Variants in SRI observed in about 807,000 individuals in gnomAD.
SRI encodes the protein 22 kDa protein.
In SRI, 30 loss-of-function variants were observed where a neutral mutation model predicts 33.3. The observed-to-expected ratio is 0.90, with a 90% confidence interval of 0.67 to 1.22. The LOEUF is 1.22. Among genes scored for constraint, SRI ranks in the 50% most tolerant of loss-of-function variants. SRI has a pLI of 0.00. For missense variants in SRI, 243 were observed against 250.8 expected (o/e 0.97, Z 0.21); for synonymous variants, 75 against 89.9 (o/e 0.83, Z 0.94).
At chr7:88,216,877 C>T (rs1044465568) in intron 3 of SRI, 9 of 534,220 alleles carry the variant, frequency 1.7e-5, no homozygotes, top group African/African-American at 5.7e-5. Flanking sequence ...TGGCTTCAAG[C>T]GATCCTCCTG....
chr7:88,226,358 C>G (rs780220890), intron 1 of SRI, among the ~76,000 whole-genome samples: 9 of 152,224 alleles, frequency 5.9e-5, no homozygotes, highest in Non-Finnish European at 1.0e-4. Context: ...TTGCCCATCC[C>G]CATTCGCATC....
At position 88,208,489 on chromosome 7, in the gene SRI, T is replaced by C; in HGVS notation, c.570+18A>G. 1.2e-6 allele frequency: 2 copies of C among 1,613,586 alleles called. No homozygotes were observed. Among genetic ancestry groups the C allele is most frequent in the Non-Finnish European group, 1.7e-6 (2 of 1,179,792 alleles). ...ACATCCTTTTCATCTACTGTATCTC[T>C]TAATTTCTAAGACTTACATCATCAT... On this transcript the variant is annotated intron_variant, in intron 7 of 7. Coordinates refer to ENST00000265729, the MANE Select transcript of SRI (RefSeq NM_003130.4).
intron 1 of SRI, among the ~76,000 whole-genome samples, chr7:88,226,520 A>C (rs1259051770): frequency 6.6e-6 from 1 of 152,142 alleles, no homozygotes; most frequent in Non-Finnish European, 1.5e-5. Context: ...GGGAAGAAAA[A>C]TTCCCAATTA....
intron 4 of SRI, chr7:88,210,482 TA>T: frequency 2.5e-6 from 1 of 394,588 alleles, no homozygotes; most frequent in Non-Finnish European, 4.7e-6. Context: ...TCTCTGGTAC[TA>T]ATATTCCCTT....
intron 1 of SRI, 104 bp downstream of exon 1, chr7:88,219,872 T>TA: frequency 7.2e-7 from 1 of 1,389,816 alleles, no homozygotes; most frequent in Non-Finnish European, 9.7e-7. Context: ...GGAGCCCGGG[T>TA]AGCCGCCCAG....
At chr7:88,220,212 C>G (rs1340088339), upstream of SRI, 9 of 1,311,802 alleles carry the variant, frequency 6.9e-6, no homozygotes, top group Middle Eastern at 5.7e-4. Context: ...CGCGCTTCTT[C>G]GTATCTTTGC....
At chr7:88,219,543 TGTTTG>T (rs773765260) in intron 1 of SRI, 5 of 137,356 alleles carry the variant, frequency 3.6e-5, no homozygotes, top group Middle Eastern at 3.0e-3. Context: ...ACTCGTTTTT[TGTTTG>T]TTTGTTTGTT....
intron 1 of SRI, among the ~76,000 whole-genome samples, chr7:88,225,345 C>T (rs1400634679): frequency 6.6e-6 from 1 of 152,134 alleles, no homozygotes; most frequent in Admixed American, 6.5e-5. Flanking sequence ...CAAACACACA[C>T]ACACTTTATA....
chr7:88,217,678 T>C (rs1563476283), intron 2 of SRI, among the ~76,000 whole-genome samples: 2 of 152,190 alleles, frequency 1.3e-5, no homozygotes, highest in Non-Finnish European at 2.9e-5. Context: ...ACTAGATATA[T>C]GTGATTTTTA....
At chr7:88,222,901 A>T (rs558875115), upstream of SRI, among the ~76,000 whole-genome samples, 1 of 152,018 alleles carries the variant, frequency 6.6e-6, no homozygotes, top group Admixed American at 6.6e-5. Context: ...AAAACCCTAG[A>T]AGAAAACCTA....
intron 3 of SRI, among the ~76,000 whole-genome samples, chr7:88,212,051 G>A (rs1383010051): frequency 2.6e-5 from 4 of 152,252 alleles, no homozygotes; most frequent in Non-Finnish European, 5.9e-5. Context: ...GGTCACGTGG[G>A]AAAAGCTGGT....
At chr7:88,225,147 TC>T (rs1851968573) in intron 1 of SRI, among the ~76,000 whole-genome samples, 1 of 152,146 alleles carries the variant, frequency 6.6e-6, no homozygotes, top group African/African-American at 2.4e-5. Context: ...ATGTTCCTGT[TC>T]CTACAGAATA....
Position 88,219,911 on chromosome 7 carries a change from C to A in SRI, c.51+65G>T, listed in dbSNP as rs970593161. Reference sequence around the variant, plus strand: ...CGCCTCACCCCGCTGGCCGCAGCATCTCCAAGGTGGCCTCTTAGCGCCCCG... The same window carrying A: ...CGCCTCACCCCGCTGGCCGCAGCATATCCAAGGTGGCCTCTTAGCGCCCCG... On this transcript the variant is annotated intron_variant, in intron 1 of 7. Transcript: ENST00000265729. The A allele has an allele frequency of 2.0e-5, 31 of 1,523,388 alleles. No individual in the cohort carries two copies. The African/African-American group carries it at 3.0e-4, about 15-fold the overall frequency. 94.4% of individuals were successfully genotyped at this position (1,523,388 alleles called of 1,614,324 possible).
Position 88,217,121 on chromosome 7 carries a change from C to A in SRI, c.205+1G>T. 6.2e-7 allele frequency: 1 copy of A among 1,613,442 alleles called. No individual in the cohort carries two copies. The highest frequency in any genetic ancestry group is 8.5e-7 in the Non-Finnish European group (1 of 1,179,762). On this transcript the variant is annotated splice_donor_variant, in intron 3 of 7. Coordinates refer to ENST00000265729, the MANE Select transcript of SRI (RefSeq NM_003130.4). LOFTEE classifies it high-confidence loss of function. ...GACAAACTTTGGGACTGTCAACTTACGTTTGTATCCTCCAGCAATGCCAGA... is the reference window on the plus strand; with the variant it reads ...GACAAACTTTGGGACTGTCAACTTAAGTTTGTATCCTCCAGCAATGCCAGA...
At chr7:88,211,012 GATT>G in intron 3 of SRI, 87 bp from the exon 4 acceptor site, 1 of 1,042,758 alleles carries the variant, frequency 9.6e-7, no homozygotes, top group Non-Finnish European at 1.5e-6. Flanking sequence ...TTAGAAATAT[GATT>G]ATTATACACT....
chr7:88,206,298 C>T lies in SRI; in HGVS notation c.*180G>A. On this transcript the variant is annotated 3_prime_UTR_variant, in exon 8 of 8. Transcript: ENST00000265729. ...AACAGACTAGATCTTATTAAAGTTC[C>T]AAAGAATTTATTATCAAAACTAAAA... 3 of 721,162 alleles carry T rather than the reference C, an allele frequency of 4.2e-6. No homozygotes were observed. The allele number at this position is 721,162 out of a possible 1,614,324, so 44.7% of individuals were successfully genotyped here. A position where few individuals can be genotyped will look rare whatever the true frequency, so the allele number is the denominator to read the frequency against.
chr7:88,209,681 C>G (rs1262691517), intron 5 of SRI, among the ~76,000 whole-genome samples: 1 of 151,284 alleles, frequency 6.6e-6, no homozygotes, highest in Non-Finnish European at 1.5e-5. Flanking sequence ...GTGGTGTGAT[C>G]TCGGCTCACA....
intron 1 of SRI, among the ~76,000 whole-genome samples, chr7:88,225,303 T>C (rs553930194): frequency 7.2e-5 from 11 of 152,358 alleles, no homozygotes; most frequent in African/African-American, 2.4e-4. Context: ...TGTATATCAT[T>C]GTACATATGT....
chr7:88,205,913 TA>T lies in SRI; in HGVS notation c.*564del. The T allele has an allele frequency of 6.5e-6, 1 of 154,382 alleles. No individual in the cohort carries two copies. The highest frequency in any genetic ancestry group is 1.9e-4 in the East Asian group (1 of 5,258). The allele number at this position is 154,382 out of a possible 1,614,324, so 9.6% of individuals were successfully genotyped here. Reference sequence around the variant, plus strand: ...TTTTTAAGGAGAGTTAACAAAGGTTTAAATAGATGACAAAAAGGGACTTGGT... The same window carrying T: ...TTTTTAAGGAGAGTTAACAAAGGTTTAATAGATGACAAAAAGGGACTTGGT... On this transcript the variant is annotated 3_prime_UTR_variant, in exon 8 of 8. Coordinates refer to ENST00000265729, the MANE Select transcript of SRI (RefSeq NM_003130.4).
Sources: gnomAD v4.1 joint callset for allele counts (sites outside exome capture counted in the v4.1 genomes callset) on GRCh38, gnomAD v4.1.1 for gene constraint, MANE v1.5 for transcripts, NCBI Gene and HGNC (gene_info 2026-07-23, HGNC 2026-07-21) for gene names.